The following DDHD1 variants were observed in gnomAD, a reference collection of about 807,000 sequenced individuals.
DDHD1 encodes DDHD domain containing 1.
In DDHD1, 49 loss-of-function variants were observed where a neutral mutation model predicts 96.4. The observed-to-expected ratio is 0.51, with a 90% CI of 0.40 to 0.64. The LOEUF (loss-of-function observed/expected upper bound fraction) is 0.64. Among genes scored for constraint, DDHD1 ranks in the 30% least tolerant of loss-of-function variants. The pLI, the probability that DDHD1 is intolerant of heterozygous loss-of-function variation, is 0.00. For synonymous variants in DDHD1, 442 were observed against 446.5 expected, an observed-to-expected ratio of 0.99 and a Z score of 0.13; for missense variants, 1,106 against 1,161.2, an observed-to-expected ratio of 0.95 and a Z score of 0.69.
At chr14:53,108,246 C>CT (rs879681785) in intron 1 of DDHD1, among the ~76,000 whole-genome samples, 1 of 152,232 alleles carries the variant, frequency 6.6e-6, no homozygotes, top group Non-Finnish European at 1.5e-5. Context: ...CCCGACTGGG[C>CT]TAAAGGCTTG....
chr14:53,115,889 A>C (rs1366628662), intron 1 of DDHD1, among the ~76,000 whole-genome samples: 1 of 152,190 alleles, frequency 6.6e-6, no homozygotes, highest in African/African-American at 2.4e-5. Flanking sequence ...ATTAACCTTA[A>C]ATGTACATGG....
intron 1 of DDHD1, among the ~76,000 whole-genome samples, chr14:53,117,166 T>C (rs990002755): frequency 6.6e-6 from 1 of 151,928 alleles, no homozygotes; most frequent in Non-Finnish European, 1.5e-5. Flanking sequence ...CTAGAAGAAA[T>C]AGGGGTCCCT....
intron 4 of DDHD1, among the ~76,000 whole-genome samples, chr14:53,079,155 T>C (rs1040431939): frequency 2.0e-5 from 3 of 152,316 alleles, no homozygotes; most frequent in South Asian, 2.1e-4. Context: ...AATATTTGTA[T>C]AGTTTTCTTT....
At chr14:53,060,123 G>C (rs1883424847) in intron 8 of DDHD1, among the ~76,000 whole-genome samples, 1 of 152,038 alleles carries the variant, frequency 6.6e-6, no homozygotes, top group Non-Finnish European at 1.5e-5. Flanking sequence ...TTAAGTTCTT[G>C]TGAGAAAAGA....
intron 3 of DDHD1, 98 bp from the exon 4 acceptor site, chr14:53,092,030 GA>G (rs1220298355): frequency 1.6e-6 from 2 of 1,258,294 alleles, no homozygotes; most frequent in Non-Finnish European, 2.2e-6. Flanking sequence ...GGAATATTAT[GA>G]AAAAATTTCA....
chr14:53,113,102 G>A (rs1398159972), intron 1 of DDHD1, among the ~76,000 whole-genome samples: 1 of 151,708 alleles, frequency 6.6e-6, no homozygotes, highest in Non-Finnish European at 1.5e-5. Flanking sequence ...CAGGAATATA[G>A]GGGTGCACCA....
intron 1 of DDHD1, among the ~76,000 whole-genome samples, chr14:53,149,492 C>G (rs1352770999): frequency 6.6e-6 from 1 of 152,142 alleles, no homozygotes; most frequent in Non-Finnish European, 1.5e-5. Context: ...GGACTGGACC[C>G]TCCTAGAAAG....
chr14:53,059,174 T>C (rs923662435), intron 8 of DDHD1, among the ~76,000 whole-genome samples: 12 of 152,170 alleles, frequency 7.9e-5, no homozygotes, highest in African/African-American at 2.9e-4. Flanking sequence ...CTGGAAAGAA[T>C]AACATTCCAG....
At chr14:53,103,951 T>C (rs2139725537) in intron 1 of DDHD1, 95 bp from the exon 2 acceptor site, 2 of 1,115,344 alleles carry the variant, frequency 1.8e-6, no homozygotes, top group Middle Eastern at 2.1e-4. Flanking sequence ...GCTACTGCTG[T>C]CACAAAAACA....
chr14:53,074,626 A>T (rs970230499), intron 4 of DDHD1, among the ~76,000 whole-genome samples: 7 of 151,908 alleles, frequency 4.6e-5, no homozygotes, highest in Non-Finnish European at 7.4e-5. Context: ...AATATTAAAA[A>T]TTTTTTTACA....
chr14:53,103,715 A>G lies in DDHD1; in HGVS notation c.980T>C (p.Ile327Thr), dbSNP rs754645636. ...RGQQMQENFD[I>T]EVSKSIDGKD... is the part of the protein sequence containing the mutation. The stretch of plus-strand genomic sequence containing the variant: ...TCCATCTATGGATTTTGACACTTCA[A>G]TATCGAAATTTTCCTGCATCTGCTG... Residue 327 changes from isoleucine (I) to threonine (T), a missense_variant, in exon 2 of 13, where the codon ATT (isoleucine) becomes ACT (threonine). Ile to Thr is a moderately conservative substitution (Grantham distance 89). Coordinates refer to ENST00000673822, the MANE Select transcript of DDHD1 (RefSeq NM_001160148.2). 13 of 1,612,856 alleles carry G rather than the reference A, an allele frequency of 8.1e-6. No individual in the cohort carries two copies. Among genetic ancestry groups the G allele is most frequent in the Middle Eastern group, 1.6e-4 (1 of 6,074 alleles).
intron 1 of DDHD1, among the ~76,000 whole-genome samples, chr14:53,138,265 T>TGTG (rs1890380388): frequency 6.6e-6 from 1 of 151,862 alleles, no homozygotes; most frequent in East Asian, 1.9e-4. Context: ...ATTAGCCAGG[T>TGTG]GTGGTGGTGC....
At chr14:53,061,247 C>T (rs774673087) in intron 7 of DDHD1, 46 bp from the exon 8 acceptor site, 11 of 1,508,572 alleles carry the variant, frequency 7.3e-6, no homozygotes, top group Non-Finnish European at 8.1e-6. Flanking sequence ...TTTATAATTT[C>T]ATAAATATTA....
chr14:53,093,252 T>G, intron 3 of DDHD1, 64 bp downstream of exon 3: 2 of 1,508,376 alleles, frequency 1.3e-6, no homozygotes, highest in Non-Finnish European at 1.8e-6. Flanking sequence ...ATTGTCTATT[T>G]TGAATATGAG....
intron 1 of DDHD1, among the ~76,000 whole-genome samples, chr14:53,146,229 C>T (rs1403746337): frequency 1.4e-5 from 2 of 145,082 alleles, no homozygotes; most frequent in East Asian, 2.1e-4. Context: ...AAAGGCCGGG[C>T]GCGGTGGCTT....
intron 1 of DDHD1, among the ~76,000 whole-genome samples, chr14:53,134,171 C>A (rs58840758): frequency 0.034 from 5,199 of 152,264 alleles, 303 homozygotes; most frequent in African/African-American, 0.12. Flanking sequence ...TGCCCCAAAA[C>A]CTTGTCATCC....
Position 53,041,018 on chromosome 14 carries a change from G to A in DDHD1, c.*5750C>T, listed in dbSNP as rs1307616053. 1 of 151,930 alleles carries A rather than the reference G, an allele frequency of 6.6e-6. No individual in the cohort carries two copies. The highest frequency in any genetic ancestry group is 1.9e-4 in the East Asian group (1 of 5,164). The allele number at this position is 151,930 out of a possible 1,614,324, so 9.4% of individuals were successfully genotyped here. A position where few individuals can be genotyped will look rare whatever the true frequency, so the allele number is the denominator to read the frequency against. On this transcript the variant is annotated 3_prime_UTR_variant, in exon 13 of 13. Transcript: ENST00000673822. Reference sequence around the variant, plus strand: ...AATTTTTTGTCATGAAGCTCAAAGGGAAACAAAAAGTTTGAGAGATCAAGC... The same window carrying A: ...AATTTTTTGTCATGAAGCTCAAAGGAAAACAAAAAGTTTGAGAGATCAAGC...
At position 53,152,939 on chromosome 14, in the gene DDHD1, C is replaced by CGTCGCCGTCGTCCGG; in HGVS notation, c.145_159dup (p.Pro49_Asp53dup). On this transcript the variant is annotated inframe_insertion, in exon 1 of 13. Transcript: ENST00000673822. The stretch of plus-strand genomic sequence containing the variant: ...TCCCCGCGCAGCAGGGCCAGGGGCA[C>CGTCGCCGTCGTCCGG]GTCGCCGTCGTCCGGGTCCCCGCCG... 6.3e-7 allele frequency: 1 copy of CGTCGCCGTCGTCCGG among 1,597,032 alleles called. No individual in the cohort carries two copies. Among genetic ancestry groups the CGTCGCCGTCGTCCGG allele is most frequent in the South Asian group, 1.1e-5 (1 of 89,132 alleles).
chr14:53,145,258 G>A (rs1218381198), intron 1 of DDHD1, among the ~76,000 whole-genome samples: 3 of 152,126 alleles, frequency 2.0e-5, no homozygotes, highest in East Asian at 1.9e-4. Context: ...CAGCGCTGTG[G>A]GAGGCTGAGG....
Sources: gnomAD v4.1 joint callset for allele counts (sites outside exome capture counted in the v4.1 genomes callset) on GRCh38, gnomAD v4.1.1 for gene constraint, MANE v1.5 for transcripts, NCBI Gene and HGNC (gene_info 2026-07-23, HGNC 2026-07-21) for gene names.